The following PECR variants were observed in gnomAD, a reference collection of about 807,000 sequenced individuals.
PECR encodes the protein peroxisomal trans-2-enoyl-CoA reductase.
PECR carries 30 observed loss-of-function variants against 35.3 expected under a neutral mutation model. The ratio of observed to expected loss-of-function variants is 0.85; its 90% confidence interval spans 0.64 to 1.15. The LOEUF (loss-of-function observed/expected upper bound fraction) is 1.15. PECR is among the 50% of genes most tolerant of loss of function. PECR has a pLI of 0.00. For synonymous variants in PECR, 148 were observed against 138.9 expected, an observed-to-expected ratio of 1.07 and a Z score of -0.46; for missense variants, 392 against 370.8, an observed-to-expected ratio of 1.06 and a Z score of -0.47.
chr2:216,077,794 A>G (rs1030495537), intron 1 of PECR, among the ~76,000 whole-genome samples: 34 of 147,882 alleles, frequency 2.3e-4, no homozygotes, highest in African/African-American at 8.4e-4. Context: ...GCTACAGAGC[A>G]AGACTCCGTC....
In PECR at chr2:216,049,339, T is replaced by C. The variant is rs759200703; in HGVS notation, c.638A>G (p.Tyr213Cys). The C allele has an allele frequency of 1.8e-5, 29 of 1,593,800 alleles. No homozygotes were observed. The East Asian group carries it at 5.4e-4, about 29-fold the overall frequency. The change falls in exon 6 of 8, where the codon TAT (tyrosine) becomes TGT (cysteine). Residue 213 changes from tyrosine to cysteine, a missense_variant. Physicochemically the swap from Tyr to Cys is radical, Grantham distance 194 (BLOSUM62 -2). Coordinates refer to ENST00000265322, the MANE Select transcript of PECR (RefSeq NM_018441.6). ...AAAGAAGCTTTGTCCCCAGGAACCA[T>C]AGTTCTCCACAGCAGTCTGGGAATA... The part of the protein sequence containing the change: ...VIYSQTAVEN[Y>C]GSWGQSFFEG...
chr2:216,080,830 TTTTC>T (rs1207016550), intron 1 of PECR, among the ~76,000 whole-genome samples: 1 of 152,200 alleles, frequency 6.6e-6, no homozygotes, highest in Admixed American at 6.5e-5. Flanking sequence ...GTGTTGGATT[TTTTC>T]TTTATTTGTA....
At chr2:216,069,882 G>A (rs1471225287) in intron 1 of PECR, among the ~76,000 whole-genome samples, 1 of 150,720 alleles carries the variant, frequency 6.6e-6, no homozygotes, top group African/African-American at 2.4e-5. Context: ...GTTGTAGTGA[G>A]CTGAGATCGT....
chr2:216,055,822 T>C (rs1695215720), intron 4 of PECR, among the ~76,000 whole-genome samples: 1 of 152,154 alleles, frequency 6.6e-6, no homozygotes, highest in African/African-American at 2.4e-5. Context: ...TTCCAAGGTA[T>C]TAATTTCCAT....
downstream of PECR, among the ~76,000 whole-genome samples, chr2:216,037,705 G>A (rs142409653): frequency 3.1e-3 from 471 of 152,080 alleles, 4 homozygotes; most frequent in African/African-American, 0.011. Flanking sequence ...CCTCTCCCTC[G>A]TGCTAGCCCT....
Position 216,058,980 on chromosome 2 carries a change from C to T in PECR, c.425-4G>A, listed in dbSNP as rs748143243. ...TCTTTCATCCAGGAGCTGTAAACTG[C>T]AGGATAGAGGCAAACTCAATCATTA... On this transcript the variant is annotated splice_region_variant and splice_polypyrimidine_tract_variant and intron_variant, in intron 3 of 7. Coordinates refer to ENST00000265322, the MANE Select transcript of PECR (RefSeq NM_018441.6). 20 of 1,584,686 alleles carry T rather than the reference C, an allele frequency of 1.3e-5. No homozygotes were observed. Among genetic ancestry groups the T allele is most frequent in the Non-Finnish European group, 1.6e-5 (19 of 1,153,864 alleles).
chr2:216,059,282 T>C (rs1367649915), intron 3 of PECR, among the ~76,000 whole-genome samples: 1 of 152,166 alleles, frequency 6.6e-6, no homozygotes, highest in Non-Finnish European at 1.5e-5. Flanking sequence ...AGGTAAACAC[T>C]CATCTTTCTG....
chr2:216,029,288 G>A (rs895516294), intron 7 of PECR, among the ~76,000 whole-genome samples: 9 of 152,102 alleles, frequency 5.9e-5, no homozygotes, highest in South Asian at 2.1e-4. Context: ...GACCATCGTC[G>A]CCAACATGGT....
At chr2:216,030,956 T>TCTCACA (rs1488100346) in intron 7 of PECR, among the ~76,000 whole-genome samples, 10 of 113,396 alleles carry the variant, frequency 8.8e-5, no homozygotes, top group Admixed American at 2.7e-4. Context: ...TCTCTCTCTC[T>TCTCACA]CACACACACA....
At chr2:216,039,915 A>G (rs565999736) in intron 7 of PECR, among the ~76,000 whole-genome samples, 1 of 152,240 alleles carries the variant, frequency 6.6e-6, no homozygotes, top group African/African-American at 2.4e-5. Flanking sequence ...GGACATTTGC[A>G]TAAGTTGATC....
In PECR at chr2:216,067,589, A is replaced by G. The variant is rs146863896; in HGVS notation, c.125-1071T>C. 5.4e-3 allele frequency among the ~76,000 whole-genome samples: 806 copies of G among 150,150 alleles called. 10 individuals carry two copies. Among genetic ancestry groups the G allele is most frequent in the African/African-American group, 0.019 (764 of 40,794 alleles). ...TTTTTTTTTTTTGAGACGGAGTCTC[A>G]CTCTGTCGCCAGACTGGGGTGCAGT... On this transcript the variant is annotated intron_variant, in intron 1 of 7. Coordinates refer to ENST00000265322, the MANE Select transcript of PECR (RefSeq NM_018441.6).
intron 1 of PECR, among the ~76,000 whole-genome samples, chr2:216,070,849 G>A (rs1211859237): frequency 2.0e-5 from 3 of 152,178 alleles, no homozygotes; most frequent in African/African-American, 4.8e-5. Context: ...CGCCTGGGTC[G>A]TGACTGCCCT....
At chr2:216,057,821 G>A (rs1332452264) in intron 4 of PECR, 1 of 152,096 alleles carries the variant, frequency 6.6e-6, no homozygotes, top group Non-Finnish European at 1.5e-5. Flanking sequence ...GTTAATGACT[G>A]AACACATAAC....
intron 1 of PECR, among the ~76,000 whole-genome samples, chr2:216,070,973 G>A (rs1574704218): frequency 6.6e-6 from 1 of 152,256 alleles, no homozygotes; most frequent in South Asian, 2.1e-4. Context: ...AGTTGATCAC[G>A]ACCCTCACTC....
chr2:216,081,734 G>C lies in PECR; in HGVS notation c.8C>G (p.Ser3Cys). 1 of 1,613,226 alleles carries C rather than the reference G, an allele frequency of 6.2e-7. No individual in the cohort carries two copies. Among genetic ancestry groups the C allele is most frequent in the Non-Finnish European group, 8.5e-7 (1 of 1,179,894 alleles). The stretch of plus-strand genomic sequence containing the variant: ...CAGGTAGCTCCTGCCCTTAGCCCAG[G>C]AGGCCATCCCTGCAGCGGGGTGCCA... MASWAKGRSYLAP... is the reference protein window; with the variant it reads MACWAKGRSYLAP... The change falls in exon 1 of 8, where the codon TCC (serine) becomes TGC (cysteine). Residue 3 changes from serine (S) to cysteine (C), a missense_variant. Transcript: ENST00000265322.
intron 3 of PECR, among the ~76,000 whole-genome samples, chr2:216,064,491 T>A (rs1301203925): frequency 1.3e-5 from 2 of 152,176 alleles, no homozygotes; most frequent in African/African-American, 4.8e-5. Context: ...AAACCACAGG[T>A]CAAGAACAGT....
chr2:216,054,616 G>A (rs1019197933), intron 4 of PECR, among the ~76,000 whole-genome samples: 10 of 151,584 alleles, frequency 6.6e-5, no homozygotes, highest in African/African-American at 2.2e-4. Context: ...GATTACAGGC[G>A]TGAGCCACTG....
At chr2:216,059,084 C>T in intron 3 of PECR, 108 bp from the exon 4 acceptor site, 1 of 740,286 alleles carries the variant, frequency 1.4e-6, no homozygotes, top group Non-Finnish European at 2.4e-6. Flanking sequence ...CGTCCATTTA[C>T]ATTTCCTTAT....
At chr2:216,054,408 T>C (rs1360433868) in intron 4 of PECR, among the ~76,000 whole-genome samples, 1 of 137,468 alleles carries the variant, frequency 7.3e-6, no homozygotes, top group Non-Finnish European at 1.5e-5. Context: ...GTACAGAGTC[T>C]CACTCCAACC....
Sources: gnomAD v4.1 joint callset for allele counts (sites outside exome capture counted in the v4.1 genomes callset) on GRCh38, gnomAD v4.1.1 for gene constraint, MANE v1.5 for transcripts, NCBI Gene and HGNC (gene_info 2026-07-23, HGNC 2026-07-21) for gene names.